Variants in CSNK1A1L observed in about 807,000 individuals in gnomAD.
CSNK1A1L encodes casein kinase 1 alpha 1 like.
In CSNK1A1L, 20 loss-of-function variants were observed where a neutral mutation model predicts 24.6. The ratio of observed to expected loss-of-function variants is 0.81; its 90% CI spans 0.57 to 1.18. The LOEUF (loss-of-function observed/expected upper bound fraction) is 1.18. CSNK1A1L is among the 50% of genes most tolerant of loss of function. The pLI, the probability that CSNK1A1L is intolerant of heterozygous loss-of-function variation, is 0.00. For synonymous variants in CSNK1A1L, 152 were observed against 154.0 expected (o/e 0.99, Z 0.09); for missense variants, 414 against 419.0 (o/e 0.99, Z 0.10).
At position 37,103,969 on chromosome 13, in the gene CSNK1A1L, A is replaced by G; in HGVS notation, c.*274T>C. On this transcript the variant is annotated 3_prime_UTR_variant, in exon 1 of 1. Transcript: ENST00000379800. Reference sequence around the variant, plus strand: ...ACCAATTCGTGTGTGTCAACCATTTAGTTAACTTTTCTACTTGAATAAATG... The same window carrying G: ...ACCAATTCGTGTGTGTCAACCATTTGGTTAACTTTTCTACTTGAATAAATG... 2.0e-6 allele frequency: 1 copy of G among 509,118 alleles called. No individual in the cohort carries two copies. The highest frequency in any genetic ancestry group is 3.4e-5 in the Admixed American group (1 of 29,126). 31.5% of individuals were successfully genotyped at this position (509,118 alleles called of 1,614,324 possible).
At position 37,105,062 on chromosome 13, in the gene CSNK1A1L, C is replaced by A; in HGVS notation, c.195G>T (p.Thr65=). Residue 65 remains threonine, a synonymous_variant, in exon 1 of 1, where the codon ACG becomes ACT. Coordinates refer to ENST00000379800, the MANE Select transcript of CSNK1A1L (RefSeq NM_145203.6). Reference sequence around the variant, plus strand: ...GGATGCCAACCCCACCTTGAAGAATCGTGTAGAGTTTGCTCTCATACAGCA... The same window carrying A: ...GGATGCCAACCCCACCTTGAAGAATAGTGTAGAGTTTGCTCTCATACAGCA... ...PQLLYESKLY[T]ILQGGVGIPH... 1.2e-6 allele frequency: 2 copies of A among 1,614,126 alleles called. No individual in the cohort carries two copies. The highest frequency in any genetic ancestry group is 1.7e-6 in the Non-Finnish European group (2 of 1,180,014).
At position 37,105,414 on chromosome 13, in the gene CSNK1A1L, C is replaced by T. The variant is rs1240982937; in HGVS notation, c.-158G>A. 1 of 696,198 alleles carries T rather than the reference C, an allele frequency of 1.4e-6. No homozygotes were observed. Among genetic ancestry groups the T allele is most frequent in the South Asian group, 2.0e-5 (1 of 48,894 alleles). 43.1% of individuals were successfully genotyped at this position (696,198 alleles called of 1,614,324 possible). On this transcript the variant is annotated 5_prime_UTR_variant, in exon 1 of 1. Coordinates refer to ENST00000379800, the MANE Select transcript of CSNK1A1L (RefSeq NM_145203.6). ...TTACAGGGCGTGGAGTCAGCCTGAT[C>T]CCTGCAGCACACCAGGATTTCCGCC...
chr13:37,105,208 A>G lies in CSNK1A1L; in HGVS notation c.49T>C (p.Tyr17His). 1.2e-6 allele frequency: 2 copies of G among 1,614,058 alleles called. No individual in the cohort carries two copies. The highest frequency in any genetic ancestry group is 1.3e-5 in the African/African-American group (1 of 75,004). The change falls in exon 1 of 1, where the codon TAC becomes CAC. Residue 17 changes from tyrosine (Y) to histidine (H), a missense_variant. Coordinates refer to ENST00000379800, the MANE Select transcript of CSNK1A1L (RefSeq NM_145203.6). ...SKAELVVGGK[Y>H]KLVRKIGSGS... Reference sequence around the variant, plus strand: ...GACCCGATCTTCCGCACCAGTTTGTATTTCCCTCCCACAACGAGTTCGGCT... The same window carrying G: ...GACCCGATCTTCCGCACCAGTTTGTGTTTCCCTCCCACAACGAGTTCGGCT...
rs1384230159 is a variant in CSNK1A1L at position 37,105,511 on chromosome 13, C to T, written c.-255G>A. ...ACCTCTTTCTCGGTGGCGGTCGCTGCCTCGCTGTCGTGGCGATGTCGTGGG... is the reference window on the plus strand; with the variant it reads ...ACCTCTTTCTCGGTGGCGGTCGCTGTCTCGCTGTCGTGGCGATGTCGTGGG... On this transcript the variant is annotated 5_prime_UTR_variant, in exon 1 of 1. Transcript: ENST00000379800. 8.2e-6 allele frequency: 4 copies of T among 485,784 alleles called. No homozygotes were observed. The highest frequency in any genetic ancestry group is 1.9e-5 in the African/African-American group (1 of 51,484). 30.1% of individuals were successfully genotyped at this position (485,784 alleles called of 1,614,324 possible).
Position 37,105,350 on chromosome 13 carries a change from G to T in CSNK1A1L, c.-94C>A. 1 of 1,395,972 alleles carries T rather than the reference G, an allele frequency of 7.2e-7. No homozygotes were observed. The highest frequency in any genetic ancestry group is 9.8e-7 in the Non-Finnish European group (1 of 1,023,136). 86.5% of individuals were successfully genotyped at this position (1,395,972 alleles called of 1,614,324 possible). On this transcript the variant is annotated 5_prime_UTR_variant, in exon 1 of 1. Transcript: ENST00000379800. ...CCCACCGGCCCGCAAGGCTGAGGAT[G>T]AGGGCTGCTGGAAATGGCCACCGAG...
rs772718305 is a variant in CSNK1A1L, at chr13:37,104,818, C to T, written c.439G>A (p.Gly147Arg). 6.2e-7 allele frequency: 1 copy of T among 1,613,412 alleles called. No homozygotes were observed. The highest frequency in any genetic ancestry group is 1.7e-5 in the Admixed American group (1 of 59,938). ...AGGAACAACTTATTACAGTGACGCC[C>T]AGTACCCATCAGGAAGTTATCTGGT... ...IKPDNFLMGT[G>R]RHCNKLFLID... The change falls in exon 1 of 1, where the codon GGG (glycine) becomes AGG (arginine). Residue 147 changes from glycine to arginine, a missense_variant. Transcript: ENST00000379800.
rs1197405018 is a variant in CSNK1A1L at position 37,104,487 on chromosome 13, G to A, written c.770C>T (p.Ala257Val). ...CCCACGACAGTAGTTCAAGTACATG[G>A]CGAATTCTGCAGGAAACCCCTTACA... ...VLCKGFPAEF[A>V]MYLNYCRGLR... Residue 257 changes from alanine (A) to valine (V), a missense_variant, in exon 1 of 1, where the codon GCC becomes GTC. Coordinates refer to ENST00000379800, the MANE Select transcript of CSNK1A1L (RefSeq NM_145203.6). 4.3e-6 allele frequency: 7 copies of A among 1,614,186 alleles called. No homozygotes were observed. Among genetic ancestry groups the A allele is most frequent in the Non-Finnish European group, 5.9e-6 (7 of 1,180,026 alleles).
In CSNK1A1L at chr13:37,104,889, C is replaced by G; in HGVS notation, c.368G>C (p.Arg123Thr). ...VLMLADQMISRIEYVHTKNFL... is the reference protein window; with the variant it reads ...VLMLADQMISTIEYVHTKNFL... ...ATTCTTTGTATGCACGTATTCAATT[C>G]TGCTGATCATCTGGTCGGCTAACAT... Residue 123 changes from arginine (R) to threonine (T), a missense_variant, in exon 1 of 1, where the codon AGA becomes ACA. Transcript: ENST00000379800. The G allele has an allele frequency of 6.2e-7, 1 of 1,614,086 alleles. No individual in the cohort carries two copies. The highest frequency in any genetic ancestry group is 8.5e-7 in the Non-Finnish European group (1 of 1,180,022).
Position 37,104,194 on chromosome 13 carries a change from A to G in CSNK1A1L, c.*49T>C. The G allele has an allele frequency of 1.2e-6, 2 of 1,611,700 alleles. No homozygotes were observed. The highest frequency in any genetic ancestry group is 1.3e-5 in the African/African-American group (1 of 74,978). ...ACAATTTCTAGATGTGGGGAGAAAC[A>G]AATGCTGCTCGAATCATCTGCTCTG... On this transcript the variant is annotated 3_prime_UTR_variant, in exon 1 of 1. Transcript: ENST00000379800.
At position 37,105,188 on chromosome 13, in the gene CSNK1A1L, G is replaced by C. The variant is rs1566441038; in HGVS notation, c.69C>G (p.Ile23Met). Reference sequence around the variant, plus strand: ...AAACGTCTCCAAAGGAGCCAGACCCGATCTTCCGCACCAGTTTGTATTTCC... The same window carrying C: ...AAACGTCTCCAAAGGAGCCAGACCCCATCTTCCGCACCAGTTTGTATTTCC... Reference protein sequence around the residue: ...VGGKYKLVRKIGSGSFGDVYL... With the variant: ...VGGKYKLVRKMGSGSFGDVYL... The change falls in exon 1 of 1, where the codon ATC (isoleucine) becomes ATG (methionine). Residue 23 changes from isoleucine to methionine, a missense_variant. Physicochemically the swap from Ile to Met is conservative, Grantham distance 10. Transcript: ENST00000379800. The C allele has an allele frequency of 1.9e-6, 3 of 1,614,148 alleles. No individual in the cohort carries two copies. Among genetic ancestry groups the C allele is most frequent in the Non-Finnish European group, 2.5e-6 (3 of 1,180,038 alleles).
chr13:37,104,611 T>C lies in CSNK1A1L; in HGVS notation c.646A>G (p.Arg216Gly). The part of the protein sequence containing the change: ...SLGYVFMYFN[R>G]TSLPWQGLRA... ...AGTCCTTGCCACGGCAGGCTGGTTC[T>C]ATTAAAATACATGAAAACGTAGCCT... The change falls in exon 1 of 1, where the codon AGA becomes GGA. Residue 216 changes from arginine to glycine, a missense_variant. Physicochemically the swap from Arg to Gly is moderately radical, Grantham distance 125. Coordinates refer to ENST00000379800, the MANE Select transcript of CSNK1A1L (RefSeq NM_145203.6). 6.2e-7 allele frequency: 1 copy of C among 1,614,208 alleles called. No homozygotes were observed.
rs771716813 is a variant in CSNK1A1L, at chr13:37,104,207, A to G, written c.*36T>C. On this transcript the variant is annotated 3_prime_UTR_variant, in exon 1 of 1. Transcript: ENST00000379800. ...GTGGGGAGAAACAAATGCTGCTCGA[A>G]TCATCTGCTCTGCTTCTTCTGTTCC... 1 of 1,613,478 alleles carries G rather than the reference A, an allele frequency of 6.2e-7. No individual in the cohort carries two copies. Among genetic ancestry groups the G allele is most frequent in the South Asian group, 1.1e-5 (1 of 91,058 alleles).
chr13:37,105,570 G>C lies in CSNK1A1L; in HGVS notation c.-314C>G, dbSNP rs1398083730. ...GGGGGCACAGCGAGTTGGGGCAGCA[G>C]TACTGCTGCCACCGCTACCAACGGC... is the stretch of plus-strand genomic sequence containing the variant. On this transcript the variant is annotated 5_prime_UTR_variant, in exon 1 of 1. Transcript: ENST00000379800. The C allele has an allele frequency of 1.3e-5, 4 of 299,922 alleles. No homozygotes were observed. The highest frequency in any genetic ancestry group is 6.6e-5 in the East Asian group (1 of 15,084). The allele number at this position is 299,922 out of a possible 1,614,324, so 18.6% of individuals were successfully genotyped here.
the CSNK1A1L span, chr13:37,104,363 C>T: frequency 6.2e-7 from 1 of 1,614,148 alleles, no homozygotes; most frequent in Middle Eastern, 1.6e-4. Flanking sequence ...TTAACATCGT[C>T]CAATCAAATG....
rs2070761354 is a variant in CSNK1A1L, at chr13:37,103,985, T to A, written c.*258A>T. 1 of 536,318 alleles carries A rather than the reference T, an allele frequency of 1.9e-6. No homozygotes were observed. The highest frequency in any genetic ancestry group is 3.3e-5 in the East Asian group (1 of 30,662). 33.2% of individuals were successfully genotyped at this position (536,318 alleles called of 1,614,324 possible). ...CAACCATTTAGTTAACTTTTCTACT[T>A]GAATAAATGCAATAGAAAACCAGAC... On this transcript the variant is annotated 3_prime_UTR_variant, in exon 1 of 1. Coordinates refer to ENST00000379800, the MANE Select transcript of CSNK1A1L (RefSeq NM_145203.6).
rs1303799175 is a variant in CSNK1A1L at position 37,104,076 on chromosome 13, C to G, written c.*167G>C. On this transcript the variant is annotated 3_prime_UTR_variant, in exon 1 of 1. Transcript: ENST00000379800. ...GGCTACACTTTGGGATACAGCATCA[C>G]CAACGCTCCCCAGAGTCAGTTTATA... 3 of 798,246 alleles carry G rather than the reference C, an allele frequency of 3.8e-6. No individual in the cohort carries two copies. The highest frequency in any genetic ancestry group is 5.9e-6 in the Non-Finnish European group (3 of 507,006). 49.4% of individuals were successfully genotyped at this position (798,246 alleles called of 1,614,324 possible).
In CSNK1A1L at chr13:37,105,062, C is replaced by G. The variant is rs1359259376; in HGVS notation, c.195G>C (p.Thr65=). 2 of 1,614,126 alleles carry G rather than the reference C, an allele frequency of 1.2e-6. No homozygotes were observed. Among genetic ancestry groups the G allele is most frequent in the Non-Finnish European group, 1.7e-6 (2 of 1,180,014 alleles). Residue 65 remains threonine (T), a synonymous_variant, in exon 1 of 1, where the codon ACG becomes ACC. Coordinates refer to ENST00000379800, the MANE Select transcript of CSNK1A1L (RefSeq NM_145203.6). Reference sequence around the variant, plus strand: ...GGATGCCAACCCCACCTTGAAGAATCGTGTAGAGTTTGCTCTCATACAGCA... The same window carrying G: ...GGATGCCAACCCCACCTTGAAGAATGGTGTAGAGTTTGCTCTCATACAGCA... The part of the protein sequence containing the change: ...PQLLYESKLY[T]ILQGGVGIPH...
At position 37,104,412 on chromosome 13, in the gene CSNK1A1L, C is replaced by A. The variant is rs759977373; in HGVS notation, c.845G>T (p.Arg282Leu). The change falls in exon 1 of 1, where the codon CGC (arginine) becomes CTC (leucine). Residue 282 changes from arginine (R) to leucine (L), a missense_variant. Physicochemically the swap from Arg to Leu is moderately radical, Grantham distance 102 (BLOSUM62 -2). Transcript: ENST00000379800. ...PDYMYLRQLF[R>L]ILFRTLNHQY... is the part of the protein sequence containing the mutation. ...GTGGTTCAGGGTCCTGAAAAGAATG[C>A]GGAATAGCTGCCTCAGATACATGTA... The A allele has an allele frequency of 1.2e-5, 19 of 1,614,106 alleles. No homozygotes were observed. The highest frequency in any genetic ancestry group is 1.6e-5 in the Non-Finnish European group (19 of 1,180,020).
At position 37,104,684 on chromosome 13, in the gene CSNK1A1L, A is replaced by G. The variant is rs140942017; in HGVS notation, c.573T>C (p.Asn191=). ...LIGTVRYASI[N]AHLGIEQSRR... is the part of the protein sequence containing the mutation. ...GGCTCTGCTCAATACCAAGATGTGCATTGATGCTGGCATATCGGACAGTGC... is the reference window on the plus strand; with the variant it reads ...GGCTCTGCTCAATACCAAGATGTGCGTTGATGCTGGCATATCGGACAGTGC... Residue 191 remains asparagine, a synonymous_variant, in exon 1 of 1, where the codon AAT becomes AAC. Transcript: ENST00000379800. The G allele has an allele frequency of 2.0e-4, 324 of 1,614,062 alleles. No individual in the cohort carries two copies. In the African/African-American group the frequency reaches 4.0e-3, roughly 20 times the overall value.
Sources: allele counts gnomAD v4.1 joint callset, GRCh38; gene constraint gnomAD v4.1.1; transcripts MANE v1.5; gene names NCBI Gene and HGNC (gene_info 2026-07-23, HGNC 2026-07-21).